The following ARNT variants were observed in gnomAD, a reference collection of about 807,000 sequenced individuals.
ARNT encodes class E basic helix-loop-helix protein 2.
Under a neutral mutation model 105.0 loss-of-function variants are expected in ARNT, and 30 were observed. The observed-to-expected ratio is 0.29, with a 90% CI of 0.21 to 0.39. ARNT has a LOEUF of 0.39. ARNT is among the 10% of genes least tolerant of loss of function. The pLI, the probability that ARNT is intolerant of heterozygous loss-of-function variation, is 1.00. For missense variants in ARNT, 748 were observed against 978.7 expected, an observed-to-expected ratio of 0.76 and a Z score of 3.15; for synonymous variants, 304 against 344.0, an observed-to-expected ratio of 0.88 and a Z score of 1.29.
chr1:150,828,171 T>C (rs1658638819), intron 12 of ARNT, among the ~76,000 whole-genome samples: 1 of 152,118 alleles, frequency 6.6e-6, no homozygotes, highest in African/African-American at 2.4e-5. Context: ...ATTTTTTTTC[T>C]TCTGTGAATC....
chr1:150,839,183 GTTC>G (rs1660837199), intron 6 of ARNT, among the ~76,000 whole-genome samples: 1 of 152,168 alleles, frequency 6.6e-6, no homozygotes, highest in Non-Finnish European at 1.5e-5. Context: ...TGATTCCACT[GTTC>G]TTCTTCCATC....
intron 1 of ARNT, among the ~76,000 whole-genome samples, chr1:150,865,676 G>A (rs1159177517): frequency 6.6e-6 from 1 of 152,122 alleles, no homozygotes; most frequent in Non-Finnish European, 1.5e-5. Flanking sequence ...TAGTGAACAC[G>A]ACGTAAAGGT....
rs1053473808 is a variant in ARNT at position 150,810,832 on chromosome 1, G to A, written c.*1189C>T. On this transcript the variant is annotated 3_prime_UTR_variant, in exon 22 of 22. Transcript: ENST00000358595. ...CAAAACCCAATCTCAAGATTGGAGG[G>A]AGCAAAGAGGAAAAACCTCTTAGGG... The A allele has an allele frequency of 1.8e-5, 4 of 222,424 alleles. No individual in the cohort carries two copies. Among genetic ancestry groups the A allele is most frequent in the South Asian group, 1.8e-4 (1 of 5,434 alleles). The allele number at this position is 222,424 out of a possible 1,614,324, so 13.8% of individuals were successfully genotyped here.
At position 150,834,612 on chromosome 1, in the gene ARNT, T is replaced by C; in HGVS notation, c.729A>G (p.Thr243=). Residue 243 remains threonine (T), a synonymous_variant, in exon 8 of 22, where the codon ACA becomes ACG. Coordinates refer to ENST00000358595, the MANE Select transcript of ARNT (RefSeq NM_001668.4). ...TGRILDLKTG[T]VKKEGQQSSM... ...AAGACTGCTGACCTTCCTTTTTCAC[T>C]GTTCCAGTCTTTAGATCCAGGATAC... The C allele has an allele frequency of 6.2e-7, 1 of 1,614,048 alleles. No individual in the cohort carries two copies. Among genetic ancestry groups the C allele is most frequent in the Non-Finnish European group, 8.5e-7 (1 of 1,179,946 alleles).
chr1:150,826,510 A>AT, intron 13 of ARNT, 33 bp downstream of exon 13: 2 of 1,554,924 alleles, frequency 1.3e-6, no homozygotes, highest in Non-Finnish European at 1.8e-6. Context: ...TATGACAAAT[A>AT]TTTATTCAGA....
intron 14 of ARNT, among the ~76,000 whole-genome samples, chr1:150,818,657 G>C (rs1400730369): frequency 6.6e-6 from 1 of 152,118 alleles, no homozygotes; most frequent in Non-Finnish European, 1.5e-5. Flanking sequence ...AGACAGATGG[G>C]AGGATTGCTT....
At chr1:150,830,976 T>C (rs1484763264) in intron 10 of ARNT, among the ~76,000 whole-genome samples, 1 of 152,206 alleles carries the variant, frequency 6.6e-6, no homozygotes, top group Non-Finnish European at 1.5e-5. Flanking sequence ...ACCTGCCATA[T>C]GCCAGGCACT....
intron 7 of ARNT, 60 bp from the exon 8 acceptor site, chr1:150,834,700 G>C (rs1659979649): frequency 9.7e-6 from 14 of 1,446,314 alleles, no homozygotes; most frequent in Non-Finnish European, 1.2e-5. Context: ...AAGAGGGGGA[G>C]AGATACTGAA....
At chr1:150,862,753 A>G (rs1027977079) in intron 1 of ARNT, among the ~76,000 whole-genome samples, 1 of 149,444 alleles carries the variant, frequency 6.7e-6, no homozygotes, top group African/African-American at 2.5e-5. Context: ...ACTTTTAGTA[A>G]TACGTTTATA....
intron 1 of ARNT, among the ~76,000 whole-genome samples, chr1:150,864,897 A>G (rs1391218491): frequency 8.7e-5 from 13 of 148,946 alleles, no homozygotes; most frequent in East Asian, 5.8e-4. Flanking sequence ...AAAAAAAAAA[A>G]AAAGAAAGAA....
chr1:150,834,730 C>G, intron 7 of ARNT, 90 bp from the exon 8 acceptor site: 1 of 1,083,018 alleles, frequency 9.2e-7, no homozygotes, highest in Non-Finnish European at 1.4e-6. Flanking sequence ...AAGTAAGCAT[C>G]CTATTCATGC....
chr1:150,813,041 C>T, intron 21 of ARNT, 131 bp downstream of exon 21: 1 of 983,252 alleles, frequency 1.0e-6, no homozygotes, highest in Non-Finnish European at 1.5e-6. Flanking sequence ...CTACATTTAT[C>T]CCTCTCTGTC....
At position 150,810,958 on chromosome 1, in the gene ARNT, C is replaced by T; in HGVS notation, c.*1063G>A. On this transcript the variant is annotated 3_prime_UTR_variant, in exon 22 of 22. Transcript: ENST00000358595. ...AGGGCTTCGTATTTGGTTTACACTC[C>T]AACAATGAGGATTTTCACTGGGACG... 1 of 229,266 alleles carries T rather than the reference C, an allele frequency of 4.4e-6. No homozygotes were observed. The highest frequency in any genetic ancestry group is 8.7e-6 in the Non-Finnish European group (1 of 115,246). 14.2% of individuals were successfully genotyped at this position (229,266 alleles called of 1,614,324 possible).
At chr1:150,827,256 C>T (rs1658480676) in intron 12 of ARNT, among the ~76,000 whole-genome samples, 1 of 152,112 alleles carries the variant, frequency 6.6e-6, no homozygotes, top group Non-Finnish European at 1.5e-5. Context: ...TATAGTTGTG[C>T]AATGATTACC....
chr1:150,818,420 A>G (rs1204439223), intron 14 of ARNT: 1 of 154,568 alleles, frequency 6.5e-6, no homozygotes, highest in Non-Finnish European at 1.4e-5. Context: ...GTATTTTTCA[A>G]TACTTTCCAC....
At chr1:150,816,962 T>G (rs587632654) in intron 17 of ARNT, 72 bp from the exon 18 acceptor site, 9 of 1,599,866 alleles carry the variant, frequency 5.6e-6, no homozygotes, top group Non-Finnish European at 7.7e-6. Context: ...AGTTCCTATT[T>G]ACTCAGGTGG....
rs143675059 is a variant in ARNT, at chr1:150,854,440, T to C, written c.138-1634A>G. Among the ~76,000 whole-genome samples the C allele has an allele frequency of 2.7e-5, 3 of 111,674 alleles. No individual in the cohort carries two copies. The East Asian group carries it at 8.9e-4, about 33-fold the overall frequency. 73.3% of individuals were successfully genotyped at this position (111,674 alleles called of 152,430 possible). ...AGGCATGGTGGCGCATGTGTAGTCC[T>C]AGCTACTTGGGTTGGGGGGGCGGGA... On this transcript the variant is annotated intron_variant, in intron 2 of 21. Transcript: ENST00000358595.
chr1:150,858,350 C>G lies in ARNT; in HGVS notation c.136G>C (p.Gly46Arg). ...IVQRAIKRRP[G>R]LDFDDDGEGN... ...ATAACACACTACACTCAAACTCACC[C>G]TGGTCGCCGCTTAATAGCCCTCTGG... Residue 46 changes from glycine (G) to arginine (R), a missense_variant and splice_region_variant, in exon 2 of 22, where the codon GGG (glycine) becomes CGG (arginine). Physicochemically the swap from Gly to Arg is moderately radical, Grantham distance 125. This residue lies in a region of ARNT where 93 missense variants were observed against 101.6 expected (regional missense o/e 0.92). Coordinates refer to ENST00000358595, the MANE Select transcript of ARNT (RefSeq NM_001668.4). 2 of 1,602,634 alleles carry G rather than the reference C, an allele frequency of 1.2e-6. No individual in the cohort carries two copies. The highest frequency in any genetic ancestry group is 1.7e-6 in the Non-Finnish European group (2 of 1,173,360).
intron 13 of ARNT, 34 bp downstream of exon 13, chr1:150,826,509 T>C: frequency 6.4e-7 from 1 of 1,550,714 alleles, no homozygotes; most frequent in East Asian, 2.2e-5. Flanking sequence ...ATATGACAAA[T>C]ATTTATTCAG....
Sources: gnomAD v4.1 joint callset for allele counts (sites outside exome capture counted in the v4.1 genomes callset) on GRCh38, gnomAD v4.1.1 for gene constraint, gnomAD v4.1.1 regional missense constraint, MANE v1.5 for transcripts, NCBI Gene and HGNC (gene_info 2026-07-23, HGNC 2026-07-21) for gene names.